Variants in DNAH9 observed in about 807,000 individuals in gnomAD.
The protein encoded by DNAH9 is DNAH9 variant protein.
Under a neutral mutation model 471.6 loss-of-function variants are expected in DNAH9, and 345 were observed. The observed-to-expected ratio is 0.73, with a 90% CI of 0.67 to 0.80. The LOEUF (loss-of-function observed/expected upper bound fraction) is 0.80, where lower values mean the gene tolerates loss of function less well. Ranked by LOEUF, DNAH9 falls within the 30% of genes least tolerant of loss-of-function variation. The pLI, the probability that DNAH9 is intolerant of heterozygous loss-of-function variation, is 0.00. For synonymous variants in DNAH9, 2,093 were observed against 2,123.6 expected (o/e 0.99, Z 0.40); for missense variants, 5,407 against 5,609.2 (o/e 0.96, Z 1.15).
intron 17 of DNAH9, among the ~76,000 whole-genome samples, chr17:11,675,137 G>A (rs59427402): frequency 0.2 from 30,111 of 151,692 alleles, 3,303 homozygotes; most frequent in African/African-American, 0.3. Context: ...TATGTCTTTC[G>A]GTGAAATTTT....
chr17:11,764,784 CA>C (rs1967861290), intron 36 of DNAH9, among the ~76,000 whole-genome samples: 1 of 151,756 alleles, frequency 6.6e-6, no homozygotes, highest in Admixed American at 6.6e-5. Context: ...ATAACAATAA[CA>C]ACGATAAATA....
intron 41 of DNAH9, among the ~76,000 whole-genome samples, chr17:11,785,353 TAAA>T (rs1968826638): frequency 6.6e-6 from 1 of 151,880 alleles, no homozygotes; most frequent in African/African-American, 2.4e-5. Flanking sequence ...GCCACACCCA[TAAA>T]AAAGTGTCGA....
intron 38 of DNAH9, among the ~76,000 whole-genome samples, chr17:11,775,105 A>T (rs2150886152): frequency 6.6e-6 from 1 of 152,238 alleles, no homozygotes; most frequent in South Asian, 2.1e-4. Flanking sequence ...CTAGAAATTT[A>T]TGTAATGGAG....
chr17:11,879,991 T>C (rs1972650741), intron 53 of DNAH9, 87 bp from the exon 54 acceptor site: 1 of 1,509,400 alleles, frequency 6.6e-7, no homozygotes, highest in African/African-American at 1.4e-5. Flanking sequence ...CCACCATGTC[T>C]TAGAGGTCAC....
intron 50 of DNAH9, among the ~76,000 whole-genome samples, chr17:11,855,931 T>G (rs948621401): frequency 6.6e-6 from 1 of 152,172 alleles, no homozygotes; most frequent in Non-Finnish European, 1.5e-5. Flanking sequence ...ACAGTAATAG[T>G]ACCTGCTTCA....
At chr17:11,647,501 T>G (rs2073418274) in intron 12 of DNAH9, among the ~76,000 whole-genome samples, 1 of 152,190 alleles carries the variant, frequency 6.6e-6, no homozygotes, top group Admixed American at 6.5e-5. Flanking sequence ...TTTATTAAGT[T>G]GTCCATGTTC....
chr17:11,784,180 T>C (rs562947356), intron 40 of DNAH9, 120 bp from the exon 41 acceptor site: 28 of 1,502,836 alleles, frequency 1.9e-5, no homozygotes, highest in Non-Finnish European at 2.2e-5. Context: ...GTGTGAGAGA[T>C]GGGACCAAAA....
At chr17:11,666,642 C>A (rs112114123) in intron 15 of DNAH9, among the ~76,000 whole-genome samples, 207 of 152,234 alleles carry the variant, frequency 1.4e-3, no homozygotes, top group African/African-American at 4.6e-3. Context: ...CCTAAAGGGG[C>A]CTCTGAGAAG....
intron 34 of DNAH9, among the ~76,000 whole-genome samples, chr17:11,757,244 G>T (rs1264538348): frequency 6.6e-6 from 1 of 152,040 alleles, no homozygotes; most frequent in Non-Finnish European, 1.5e-5. Context: ...AAAATTGTTG[G>T]GCCGGGCTCT....
In DNAH9 at chr17:11,752,839, T is replaced by C. The variant is rs1256142492; in HGVS notation, c.6617T>C (p.Phe2206Ser). Residue 2206 changes from phenylalanine (F) to serine (S), a missense_variant, in exon 33 of 69, where the codon TTC (phenylalanine) becomes TCC (serine). Transcript: ENST00000262442. ...PATGEWKDGL[F>S]SSIMRELANI... ...TGTCAGTGGTTCCTTTTAGGATTGT[T>C]CTCTTCCATCATGCGGGAGCTTGCC... The C allele has an allele frequency of 6.3e-7, 1 of 1,587,814 alleles. No individual in the cohort carries two copies. Among genetic ancestry groups the C allele is most frequent in the African/African-American group, 1.4e-5 (1 of 73,924 alleles).
intron 67 of DNAH9, among the ~76,000 whole-genome samples, chr17:11,943,202 C>G (rs1030370477): frequency 6.6e-6 from 1 of 152,000 alleles, no homozygotes; most frequent in Admixed American, 6.6e-5. Context: ...CCTACACTGG[C>G]TTGTTTATTA....
intron 9 of DNAH9, among the ~76,000 whole-genome samples, chr17:11,638,967 C>T (rs948748231): frequency 6.6e-6 from 1 of 152,202 alleles, no homozygotes; most frequent in Non-Finnish European, 1.5e-5. Flanking sequence ...CATCTTCAAG[C>T]CAGCAACAGG....
chr17:11,811,294 CAG>C (rs1969889857), intron 45 of DNAH9, among the ~76,000 whole-genome samples: 2 of 150,596 alleles, frequency 1.3e-5, no homozygotes, highest in East Asian at 3.9e-4. Context: ...GCCTGGGCGA[CAG>C]AGCGAGACTC....
At chr17:11,641,448 C>T (rs967675456) in intron 10 of DNAH9, among the ~76,000 whole-genome samples, 60 of 152,080 alleles carry the variant, frequency 3.9e-4, no homozygotes, top group African/African-American at 1.4e-3. Flanking sequence ...GACCCATTTG[C>T]AGCATCTGCT....
intron 62 of DNAH9, among the ~76,000 whole-genome samples, chr17:11,929,568 A>G (rs1399078659): frequency 1.3e-5 from 2 of 152,202 alleles, no homozygotes; most frequent in Non-Finnish European, 2.9e-5. Flanking sequence ...TTAACTGCAG[A>G]ATACTGGGAG....
chr17:11,887,063 C>T, intron 57 of DNAH9, 98 bp downstream of exon 57: 1 of 1,439,486 alleles, frequency 6.9e-7, no homozygotes. Flanking sequence ...AGATCATTAG[C>T]TATGGCAAGT....
chr17:11,604,550 C>T (rs113658828), intron 1 of DNAH9, among the ~76,000 whole-genome samples: 2,424 of 152,208 alleles, frequency 0.016, 40 homozygotes, highest in Middle Eastern at 0.031. Flanking sequence ...AAAGTCCAAT[C>T]GAGATACTAC....
intron 48 of DNAH9, among the ~76,000 whole-genome samples, chr17:11,831,279 C>T (rs1449062854): frequency 1.3e-5 from 2 of 152,130 alleles, no homozygotes; most frequent in Non-Finnish European, 2.9e-5. Flanking sequence ...TGCTTCTTTT[C>T]ATGGTGGAAG....
At chr17:11,874,872 G>A in intron 52 of DNAH9, 77 bp from the exon 53 acceptor site, 2 of 1,016,652 alleles carry the variant, frequency 2.0e-6, no homozygotes, top group Non-Finnish European at 3.0e-6. Flanking sequence ...TGTGTCATTT[G>A]GTGAGTAACT....
Sources: gnomAD v4.1 joint callset for allele counts (sites outside exome capture counted in the v4.1 genomes callset) on GRCh38, gnomAD v4.1.1 for gene constraint, MANE v1.5 for transcripts, NCBI Gene and HGNC (gene_info 2026-07-23, HGNC 2026-07-21) for gene names.